The following AATK variants were observed in gnomAD, a reference collection of about 807,000 sequenced individuals.
AATK encodes the protein lemur tail kinase 1.
Under a neutral mutation model 114.3 loss-of-function variants are expected in AATK, and 91 were observed. The ratio of observed to expected loss-of-function variants is 0.80; its 90% confidence interval spans 0.67 to 0.95. AATK has a LOEUF of 0.95. Among genes scored for constraint, AATK ranks in the 40% least tolerant of loss-of-function variants. The pLI is 0.00. For synonymous variants in AATK, 1,075 were observed against 916.5 expected (o/e 1.17, Z -3.12); for missense variants, 2,176 against 1,965.2 (o/e 1.11, Z -2.03).
At chr17:81,157,006 C>T (rs559273257) in intron 1 of AATK, among the ~76,000 whole-genome samples, 31 of 152,264 alleles carry the variant, frequency 2.0e-4, no homozygotes, top group Admixed American at 3.9e-4. Context: ...AGCAACGGTG[C>T]CCCCACAGGC....
chr17:81,127,993 C>T (rs2060870950), intron 4 of AATK, 83 bp from the exon 5 acceptor site: 3 of 1,505,294 alleles, frequency 2.0e-6, no homozygotes, highest in South Asian at 1.3e-5. Flanking sequence ...CCACCCGCCC[C>T]ACGCCGGCCC....
Position 81,166,046 on chromosome 17 carries a change from C to A in AATK, c.-54G>T. The A allele has an allele frequency of 2.9e-6, 4 of 1,369,232 alleles. No individual in the cohort carries two copies. The highest frequency in any genetic ancestry group is 3.8e-6 in the Non-Finnish European group (4 of 1,051,294). The allele number at this position is 1,369,232 out of a possible 1,614,324, so 84.8% of individuals were successfully genotyped here. On this transcript the variant is annotated 5_prime_UTR_variant, in exon 1 of 14. Coordinates refer to ENST00000326724, the MANE Select transcript of AATK (RefSeq NM_001080395.3). The stretch of plus-strand genomic sequence containing the variant: ...GGGAGGGCGCTGCGCTCAGGACGCC[C>A]GCGGCCCCGGCCCGAGCCGCCGCAT...
Position 81,122,260 on chromosome 17 carries a change from T to G in AATK, c.1676A>C (p.Asp559Ala), listed in dbSNP as rs1200397368. 1 of 1,494,640 alleles carries G rather than the reference T, an allele frequency of 6.7e-7. No individual in the cohort carries two copies. Among genetic ancestry groups the G allele is most frequent in the Non-Finnish European group, 8.9e-7 (1 of 1,127,092 alleles). 92.6% of individuals were successfully genotyped at this position (1,494,640 alleles called of 1,614,324 possible). ...GCTGCCGTCAGAGTCGTCGTCCTGG[T>G]CCGCGGTGGCAGGTGGACTGGGGGC... ...GCAPSPPATA[D>A]QDDDSDGSTA... The change falls in exon 11 of 14, where the codon GAC becomes GCC. Residue 559 changes from aspartate (D) to alanine (A), a missense_variant. This residue lies in a region of AATK where 1,701 missense variants were observed against 1,394.7 expected (regional missense o/e 1.22). Coordinates refer to ENST00000326724, the MANE Select transcript of AATK (RefSeq NM_001080395.3).
At chr17:81,119,313 C>G in intron 13 of AATK, 67 bp downstream of exon 13, 7 of 1,452,966 alleles carry the variant, frequency 4.8e-6, no homozygotes, top group Non-Finnish European at 6.3e-6. Context: ...ACGGAGGGGC[C>G]CCACCCTCGG....
intron 1 of AATK, among the ~76,000 whole-genome samples, chr17:81,146,674 G>A (rs555187769): frequency 2.0e-5 from 3 of 152,174 alleles, no homozygotes; most frequent in Middle Eastern, 3.4e-3. Flanking sequence ...CGCCCAGATC[G>A]CACCACTGCA....
intron 1 of AATK, among the ~76,000 whole-genome samples, chr17:81,138,224 CA>C (rs2061051544): frequency 6.7e-6 from 1 of 149,500 alleles, no homozygotes; most frequent in Non-Finnish European, 1.5e-5. Flanking sequence ...CACACATATC[CA>C]CCCACACGCA....
chr17:81,138,434 A>C (rs1378122954), intron 1 of AATK, among the ~76,000 whole-genome samples: 10 of 108,752 alleles, frequency 9.2e-5, no homozygotes, highest in Non-Finnish European at 1.9e-4. Context: ...TACACATGCA[A>C]ACACACCCAC....
chr17:81,122,181 G>T lies in AATK; in HGVS notation c.1755C>A (p.Asp585Glu). The T allele has an allele frequency of 1.3e-6, 2 of 1,509,456 alleles. No homozygotes were observed. The highest frequency in any genetic ancestry group is 1.8e-6 in the Non-Finnish European group (2 of 1,130,070). 93.5% of individuals were successfully genotyped at this position (1,509,456 alleles called of 1,614,324 possible). A position where few individuals can be genotyped will look rare whatever the true frequency, so the allele number is the denominator to read the frequency against. ...AGTGGTCGCCGCGGCCCCAGGGGAC[G>T]TCGACGGGTGGCCCGTGGCCCAGCA... Reference protein sequence around the residue: ...EPLLGHGPPVDVPWGRGDHYP... With the variant: ...EPLLGHGPPVEVPWGRGDHYP... The change falls in exon 11 of 14, where the codon GAC (aspartate) becomes GAA (glutamate). Residue 585 changes from aspartate (D) to glutamate (E), a missense_variant. Coordinates refer to ENST00000326724, the MANE Select transcript of AATK (RefSeq NM_001080395.3).
chr17:81,127,688 CG>C lies in AATK; in HGVS notation c.534-19del. 1 of 1,553,100 alleles carries C rather than the reference CG, an allele frequency of 6.4e-7. No individual in the cohort carries two copies. Among genetic ancestry groups the C allele is most frequent in the East Asian group, 2.4e-5 (1 of 41,394 alleles). ...TCAGGGCCCTGCGGGAGTGGACAGG[CG>C]GCCCCTGACTTGGGAGGAGGTGGGG... On this transcript the variant is annotated intron_variant, in intron 5 of 13. Coordinates refer to ENST00000326724, the MANE Select transcript of AATK (RefSeq NM_001080395.3).
intron 1 of AATK, among the ~76,000 whole-genome samples, chr17:81,140,714 A>G (rs867958710): frequency 3.3e-5 from 2 of 60,556 alleles, no homozygotes; most frequent in African/African-American, 7.4e-5. Context: ...GGGCGGTGAG[A>G]CCGTGGGGCT....
At chr17:81,118,475 T>C (rs1598894531) in intron 13 of AATK, 33 bp from the exon 14 acceptor site, 2 of 1,599,930 alleles carry the variant, frequency 1.3e-6, no homozygotes, top group Non-Finnish European at 1.7e-6. Context: ...GAACACAGGG[T>C]TCTGAGACAC....
chr17:81,148,363 C>T (rs1003611094), intron 1 of AATK, among the ~76,000 whole-genome samples: 2 of 152,254 alleles, frequency 1.3e-5, no homozygotes, highest in African/African-American at 4.8e-5. Flanking sequence ...CTCCCACTTG[C>T]TCCTCCACCC....
chr17:81,126,994 G>A lies in AATK; in HGVS notation c.622-434C>T, dbSNP rs1442626354. ...CCCTGTCCCGAGGGAAGCCAGCAGG[G>A]GATCCAGCCCAGCCACAGACAGCCT... On this transcript the variant is annotated intron_variant, in intron 6 of 13. Coordinates refer to ENST00000326724, the MANE Select transcript of AATK (RefSeq NM_001080395.3). The surrounding 1 kb of genome is among the most constrained non-coding windows in gnomAD (Gnocchi z 5.1). Among the ~76,000 whole-genome samples the A allele has an allele frequency of 1.3e-5, 2 of 150,922 alleles. No individual in the cohort carries two copies. Among genetic ancestry groups the A allele is most frequent in the Non-Finnish European group, 3.0e-5 (2 of 67,662 alleles).
intron 2 of AATK, chr17:81,133,299 A>C (rs1305403149): frequency 2.2e-6 from 1 of 450,594 alleles, no homozygotes; most frequent in Admixed American, 2.6e-5. Flanking sequence ...CTGCCAGGCC[A>C]GCGGGACAGG....
chr17:81,120,160 G>C (rs1432614955), intron 11 of AATK, 41 bp downstream of exon 11: 5 of 1,524,660 alleles, frequency 3.3e-6, no homozygotes, highest in Non-Finnish European at 3.5e-6. Context: ...GCGGGAGCGC[G>C]ACCCCCAGCC....
chr17:81,165,770 T>C (rs1311337524), intron 1 of AATK, 168 bp downstream of exon 1: 2 of 1,510,954 alleles, frequency 1.3e-6, no homozygotes, highest in Middle Eastern at 1.8e-4. Flanking sequence ...GCCCAGGGCC[T>C]GCCCCTCCGA....
At position 81,119,461 on chromosome 17, in the gene AATK, A is replaced by C; in HGVS notation, c.4003T>G (p.Ser1335Ala). Residue 1335 changes from serine to alanine, a missense_variant, in exon 13 of 14, where the codon TCG becomes GCG. Physicochemically the swap from Ser to Ala is moderately conservative, Grantham distance 99. Transcript: ENST00000326724. Reference protein sequence around the residue: ...AAPTPTPAPFSRFTVSPAPTS... With the variant: ...AAPTPTPAPFARFTVSPAPTS... ...GGCGCGGGCGACACCGTGAAGCGCG[A>C]GAAGGGAGCGGGCGTGGGCGTGGGC... is the stretch of plus-strand genomic sequence containing the variant. The C allele has an allele frequency of 6.7e-7, 1 of 1,501,714 alleles. No homozygotes were observed. The allele number at this position is 1,501,714 out of a possible 1,614,324, so 93.0% of individuals were successfully genotyped here.
chr17:81,120,193 C>T lies in AATK; in HGVS notation c.3735+8G>A, dbSNP rs774083842. ...GCCCCGGGCAGACCCCGGGTGGCGG[C>T]GGCCCACCTGGTCAAAGAGGTAGAC... On this transcript the variant is annotated splice_region_variant and intron_variant, in intron 11 of 13. Transcript: ENST00000326724. The T allele has an allele frequency of 6.4e-7, 1 of 1,557,346 alleles. No homozygotes were observed.
At position 81,165,896 on chromosome 17, in the gene AATK, G is replaced by C. The variant is rs2061484298; in HGVS notation, c.55+42C>G. On this transcript the variant is annotated intron_variant, in intron 1 of 13. Transcript: ENST00000326724. ...GCCCAGGGGCATCACGTCCGCAGCGGAGGGAGGCAGCGGCGCGCAGGCCGG... is the reference window on the plus strand; with the variant it reads ...GCCCAGGGGCATCACGTCCGCAGCGCAGGGAGGCAGCGGCGCGCAGGCCGG... 1.9e-6 allele frequency: 3 copies of C among 1,559,094 alleles called. No homozygotes were observed. In the South Asian group the frequency reaches 3.6e-5, roughly 18 times the overall value.
Sources: allele counts gnomAD v4.1 joint callset (sites outside exome capture counted in the v4.1 genomes callset), GRCh38; gene constraint gnomAD v4.1.1; regional missense constraint gnomAD v4.1.1; non-coding constraint Gnocchi (gnomAD v3.1); transcripts MANE v1.5; gene names NCBI Gene and HGNC (gene_info 2026-07-23, HGNC 2026-07-21).